The following DLG2 variants were observed in gnomAD, a reference collection of about 807,000 sequenced individuals.
DLG2 encodes the protein disks large homolog 2.
DLG2 carries 45 observed loss-of-function variants against 132.5 expected under a neutral mutation model. The ratio of observed to expected loss-of-function variants is 0.34; its 90% CI spans 0.27 to 0.44. The LOEUF is 0.44. DLG2 is among the 20% of genes least tolerant of loss of function. The probability of loss-of-function intolerance (pLI) is 1.00; values close to 1 mark genes in which losing one functional copy is unlikely to be tolerated. For synonymous variants in DLG2, 424 were observed against 419.6 expected, an observed-to-expected ratio of 1.01 and a Z score of -0.13; for missense variants, 1,045 against 1,196.9, an observed-to-expected ratio of 0.87 and a Z score of 1.87.
chr11:84,595,729 G>A (rs995676886), intron 6 of DLG2, among the ~76,000 whole-genome samples: 2 of 152,136 alleles, frequency 1.3e-5, no homozygotes, highest in African/African-American at 4.8e-5. Context: ...AGCTTACTAT[G>A]ATTCCTTTAA....
chr11:84,369,811 A>G lies in DLG2; in HGVS notation c.520-118520T>C, dbSNP rs74427116. Among the ~76,000 whole-genome samples, 453 of 152,302 alleles carry G rather than the reference A, an allele frequency of 3.0e-3. 16 individuals are homozygous for G. The East Asian group carries it at 0.068, about 23-fold the overall frequency. Reference sequence around the variant, plus strand: ...CACAGTTTGAGGATCATAAGAAAGGATATGAAATATGTATTGAGTGCTGAC... The same window carrying G: ...CACAGTTTGAGGATCATAAGAAAGGGTATGAAATATGTATTGAGTGCTGAC... On this transcript the variant is annotated intron_variant, in intron 7 of 27. Transcript: ENST00000376104.
At chr11:85,160,324 T>C (rs546017794) in intron 4 of DLG2, among the ~76,000 whole-genome samples, 1 of 152,294 alleles carries the variant, frequency 6.6e-6, no homozygotes, top group South Asian at 2.1e-4. Context: ...GATCCAATGG[T>C]GCTTGAGATG....
At chr11:84,344,509 A>G (rs975005240) in intron 7 of DLG2, among the ~76,000 whole-genome samples, 3 of 152,196 alleles carry the variant, frequency 2.0e-5, no homozygotes, top group Non-Finnish European at 2.9e-5. Flanking sequence ...CAGAGCTCTC[A>G]TATTTACTTC....
intron 6 of DLG2, among the ~76,000 whole-genome samples, chr11:85,091,562 G>A (rs557221263): frequency 7.2e-5 from 11 of 152,254 alleles, no homozygotes; most frequent in East Asian, 3.9e-4. Flanking sequence ...ACTTCTTTGG[G>A]AATTGGAGTC....
At position 83,701,697 on chromosome 11, in the gene DLG2, T is replaced by C. The variant is rs118144124; in HGVS notation, c.1826-68372A>G. Among the ~76,000 whole-genome samples, 91 of 152,298 alleles carry C rather than the reference T, an allele frequency of 6.0e-4. 2 individuals carry two copies. The East Asian group carries it at 0.016, about 27-fold the overall frequency. On this transcript the variant is annotated intron_variant, in intron 18 of 27. Transcript: ENST00000376104. Reference sequence around the variant, plus strand: ...AGAAGATGATACTTAATGAAAGGCTTGAAAAGGCTTGAAATGTGTGTATAT... The same window carrying C: ...AGAAGATGATACTTAATGAAAGGCTCGAAAAGGCTTGAAATGTGTGTATAT...
chr11:84,934,520 GTTTT>G lies in DLG2; in HGVS notation c.357+177137_357+177140del, dbSNP rs1566441781. ...GTCCTGGGTGTTTTTTTTTTGTTTT[GTTTT>G]GTTTTTTTTTTTTTTTTTTTTTGGT... On this transcript the variant is annotated intron_variant, in intron 6 of 27. Coordinates refer to ENST00000376104, the MANE Select transcript of DLG2 (RefSeq NM_001142699.3). Among the ~76,000 whole-genome samples the G allele has an allele frequency of 2.7e-3, 105 of 39,132 alleles. 2 individuals are homozygous for G. The East Asian group carries it at 0.039, about 15-fold the overall frequency. The allele number at this position is 39,132 out of a possible 152,430, so 25.7% of individuals were successfully genotyped here. A position where few individuals can be genotyped will look rare whatever the true frequency, so the allele number is the denominator to read the frequency against.
At chr11:83,944,480 G>C (rs1369432894) in intron 14 of DLG2, among the ~76,000 whole-genome samples, 2 of 152,186 alleles carry the variant, frequency 1.3e-5, no homozygotes, top group African/African-American at 4.8e-5. Context: ...TGAGGATCTA[G>C]AGAAAACTGT....
At chr11:84,994,090 A>G (rs1486354006) in intron 6 of DLG2, among the ~76,000 whole-genome samples, 19 of 152,252 alleles carry the variant, frequency 1.2e-4, no homozygotes, top group Non-Finnish European at 1.5e-5. Context: ...TTGGAGTCCC[A>G]TCTATTGTAG....
intron 2 of DLG2, among the ~76,000 whole-genome samples, chr11:85,623,244 TATAA>T (rs1286477028): frequency 1.3e-5 from 2 of 152,036 alleles, no homozygotes; most frequent in African/African-American, 2.4e-5. Context: ...TAAAGGGTCA[TATAA>T]ATAAATAATT....
chr11:83,549,737 C>A (rs1158225132), intron 19 of DLG2, among the ~76,000 whole-genome samples: 1 of 152,148 alleles, frequency 6.6e-6, no homozygotes, highest in Non-Finnish European at 1.5e-5. Flanking sequence ...TAAAAACAAT[C>A]ATTCGTCCAC....
chr11:85,287,148 C>T (rs553370203), intron 3 of DLG2, among the ~76,000 whole-genome samples: 1 of 151,868 alleles, frequency 6.6e-6, no homozygotes, highest in Non-Finnish European at 1.5e-5. Context: ...ATGTCCAAAC[C>T]TATTAAATTA....
intron 4 of DLG2, among the ~76,000 whole-genome samples, chr11:85,163,208 CACACACACACACACAG>C (rs1403392011): frequency 1.4e-5 from 2 of 148,066 alleles, no homozygotes; most frequent in African/African-American, 2.5e-5. Context: ...ATATATATTA[CACACACACACACACAG>C]ACACACACAC....
chr11:84,449,528 T>C (rs574332046), intron 7 of DLG2, among the ~76,000 whole-genome samples: 11 of 151,918 alleles, frequency 7.2e-5, no homozygotes, highest in African/African-American at 2.6e-4. Flanking sequence ...TTGTTAGTTG[T>C]ATTCTATATG....
intron 6 of DLG2, among the ~76,000 whole-genome samples, chr11:84,876,316 G>T (rs1299181665): frequency 6.6e-6 from 1 of 152,162 alleles, no homozygotes; most frequent in African/African-American, 2.4e-5. Flanking sequence ...TCTGGTCCTA[G>T]ACTTTTTTGA....
intron 3 of DLG2, among the ~76,000 whole-genome samples, chr11:85,307,369 T>TG (rs2080024692): frequency 6.6e-6 from 1 of 151,930 alleles, no homozygotes; most frequent in African/African-American, 2.4e-5. Flanking sequence ...CTGTAAGCGG[T>TG]GGGAAAAAAA....
At chr11:83,502,025 C>G (rs2139162657) in intron 21 of DLG2, among the ~76,000 whole-genome samples, 1 of 152,218 alleles carries the variant, frequency 6.6e-6, no homozygotes, top group South Asian at 2.1e-4. Context: ...TGTGTGGAAC[C>G]AAATAGATAA....
chr11:83,474,174 A>C (rs2092386943), intron 22 of DLG2, among the ~76,000 whole-genome samples: 1 of 152,080 alleles, frequency 6.6e-6, no homozygotes, highest in South Asian at 2.1e-4. Flanking sequence ...ACTCTGCCAC[A>C]TTGGTCAGGG....
intron 11 of DLG2, among the ~76,000 whole-genome samples, chr11:83,989,520 C>T (rs1026215189): frequency 5.9e-5 from 9 of 152,124 alleles, no homozygotes; most frequent in African/African-American, 1.9e-4. Flanking sequence ...GGAAGCATGA[C>T]TTACTTCTTA....
At chr11:85,617,564 A>C (rs1227282123) in intron 2 of DLG2, among the ~76,000 whole-genome samples, 2 of 152,250 alleles carry the variant, frequency 1.3e-5, no homozygotes, top group South Asian at 2.1e-4. Context: ...TATGCCTGGC[A>C]CATAGCAGGC....
Sources: allele counts gnomAD v4.1 joint callset (sites outside exome capture counted in the v4.1 genomes callset), GRCh38; gene constraint gnomAD v4.1.1; transcripts MANE v1.5; gene names NCBI Gene and HGNC (gene_info 2026-07-23, HGNC 2026-07-21).